Variants in UNC13C observed in about 807,000 individuals in gnomAD.
UNC13C encodes protein unc-13 homolog C.
A neutral mutation model predicts 245.4 loss-of-function variants in UNC13C; 174 were observed. The observed-to-expected ratio is 0.71, with a 90% CI of 0.63 to 0.80. UNC13C has a LOEUF of 0.80. Ranked by LOEUF, UNC13C falls within the 30% of genes least tolerant of loss-of-function variation. UNC13C has a pLI of 0.00. For synonymous variants in UNC13C, 992 were observed against 895.1 expected (o/e 1.11, Z -1.93); for missense variants, 2,829 against 2,602.9 (o/e 1.09, Z -1.89).
intron 15 of UNC13C, 45 bp downstream of exon 15, chr15:54,332,156 T>A: frequency 7.4e-7 from 1 of 1,356,236 alleles, no homozygotes; most frequent in Non-Finnish European, 1.0e-6. Context: ...TTGTTTGGTC[T>A]AGAGAATTTC....
At chr15:54,064,519 G>A (rs1041431201) in intron 2 of UNC13C, among the ~76,000 whole-genome samples, 2 of 152,202 alleles carry the variant, frequency 1.3e-5, no homozygotes, top group Admixed American at 1.3e-4. Flanking sequence ...CGTGGAAGCA[G>A]TGAAACAAAT....
At chr15:54,163,491 T>C (rs571269203) in intron 4 of UNC13C, among the ~76,000 whole-genome samples, 1 of 152,330 alleles carries the variant, frequency 6.6e-6, no homozygotes, top group South Asian at 2.1e-4. Context: ...ATTTTTTAAA[T>C]GTGTCTAAAT....
chr15:54,014,566 A>C lies in UNC13C; in HGVS notation c.1663A>C (p.Lys555Gln). 1 of 1,613,778 alleles carries C rather than the reference A, an allele frequency of 6.2e-7. No individual in the cohort carries two copies. The highest frequency in any genetic ancestry group is 8.5e-7 in the Non-Finnish European group (1 of 1,179,820). Reference protein sequence around the residue: ...KLSRSESDFSKLCQSYSEDFS... With the variant: ...KLSRSESDFSQLCQSYSEDFS... ...TAGTCGTTCTGAATCAGATTTTTCC[A>C]AATTGTGTCAGTCTTACTCAGAAGA... Residue 555 changes from lysine (K) to glutamine (Q), a missense_variant, in exon 2 of 33, where the codon AAA becomes CAA. Transcript: ENST00000260323.
At chr15:54,030,168 A>C (rs998437932) in intron 2 of UNC13C, among the ~76,000 whole-genome samples, 8 of 151,888 alleles carry the variant, frequency 5.3e-5, no homozygotes, top group Admixed American at 3.3e-4. Context: ...TCCAGGGACC[A>C]CCTTCCAAAC....
In UNC13C at chr15:54,311,348, A is replaced by G. The variant is rs77138845; in HGVS notation, c.4269-10591A>G. ...GTATTAAAAACTGTTTAATTTAACT[A>G]TAACTAAATGTATTACTCATATTTA... On this transcript the variant is annotated intron_variant, in intron 13 of 32. Transcript: ENST00000260323. Among the ~76,000 whole-genome samples the G allele has an allele frequency of 3.2e-3, 484 of 151,942 alleles. 16 individuals carry two copies. In the East Asian group the frequency reaches 0.067, roughly 21 times the overall value.
At chr15:53,877,194 A>G in the UNC13C span, among the ~76,000 whole-genome samples, 2 of 152,152 alleles carry the variant, frequency 1.3e-5, no homozygotes, top group African/African-American at 4.8e-5. Flanking sequence ...TTACTTTAAT[A>G]TAATTACTCA....
rs192071109 is a variant in UNC13C, at chr15:54,266,640, A to T, written c.3818+1144A>T. Among the ~76,000 whole-genome samples the T allele has an allele frequency of 3.6e-4, 55 of 152,114 alleles. 1 individual carries two copies. Among genetic ancestry groups the T allele is most frequent in the Admixed American group, 1.9e-3 (29 of 15,278 alleles). ...GCTGGATATCTGAAACCTTAGAAAC[A>T]GTTTTATTGAGGTGTAATTGACATT... On this transcript the variant is annotated intron_variant, in intron 10 of 32. Transcript: ENST00000260323.
At position 54,133,543 on chromosome 15, in the gene UNC13C, G is replaced by C. The variant is rs370987262; in HGVS notation, c.2984-9475G>C. On this transcript the variant is annotated intron_variant, in intron 2 of 32. Coordinates refer to ENST00000260323, the MANE Select transcript of UNC13C (RefSeq NM_001080534.3). The stretch of plus-strand genomic sequence containing the variant: ...TCACTATAAAGTAGATGGATGTACT[G>C]TGGTCTCGCATTAACGACATTAAAT... Among the ~76,000 whole-genome samples, 6 of 152,250 alleles carry C rather than the reference G, an allele frequency of 3.9e-5. No homozygotes were observed. In the South Asian group the frequency reaches 1.0e-3, roughly 26 times the overall value.
At chr15:54,574,117 AC>A (rs770264391) in intron 30 of UNC13C, among the ~76,000 whole-genome samples, 7 of 152,052 alleles carry the variant, frequency 4.6e-5, no homozygotes, top group Admixed American at 3.3e-4. Flanking sequence ...TCACCACATA[AC>A]CCCCTATTTT....
chr15:54,370,023 TAAC>T (rs1193531659), intron 17 of UNC13C, among the ~76,000 whole-genome samples: 2 of 152,156 alleles, frequency 1.3e-5, no homozygotes, highest in Non-Finnish European at 2.9e-5. Context: ...TGGTTGTACT[TAAC>T]AGTGTTTGTT....
chr15:54,457,768 T>C (rs1288314617), intron 19 of UNC13C, among the ~76,000 whole-genome samples: 2 of 151,978 alleles, frequency 1.3e-5, no homozygotes, highest in Non-Finnish European at 2.9e-5. Context: ...TCTCTCTTCT[T>C]TTTCTTGGTT....
intron 30 of UNC13C, among the ~76,000 whole-genome samples, chr15:54,569,648 T>C (rs997985927): frequency 2.0e-4 from 30 of 151,972 alleles, no homozygotes; most frequent in African/African-American, 6.8e-4. Flanking sequence ...TTGGCATAAT[T>C]ACCTTTTTAT....
chr15:54,280,037 T>C (rs767465439), intron 10 of UNC13C, among the ~76,000 whole-genome samples: 60 of 152,162 alleles, frequency 3.9e-4, no homozygotes, highest in Non-Finnish European at 7.6e-4. Context: ...ATTTTAGTAA[T>C]GTGTGTGTAT....
In UNC13C at chr15:54,242,906, A is replaced by T. The variant is rs552667620; in HGVS notation, c.3228+5216A>T. On this transcript the variant is annotated intron_variant, in intron 7 of 32. Coordinates refer to ENST00000260323, the MANE Select transcript of UNC13C (RefSeq NM_001080534.3). Reference sequence around the variant, plus strand: ...TTACATAAAAGGACAGTTACATGGGATCTATTTATAGGAATGGTCAGCCCC... The same window carrying T: ...TTACATAAAAGGACAGTTACATGGGTTCTATTTATAGGAATGGTCAGCCCC... Among the ~76,000 whole-genome samples, 163 of 152,232 alleles carry T rather than the reference A, an allele frequency of 1.1e-3. 1 individual carries two copies. The highest frequency in any genetic ancestry group is 3.9e-3 in the African/African-American group (160 of 41,550).
intron 2 of UNC13C, among the ~76,000 whole-genome samples, chr15:54,131,226 C>G (rs142161289): frequency 6.6e-6 from 1 of 152,144 alleles, no homozygotes; most frequent in Non-Finnish European, 1.5e-5. Context: ...GGGAAGAATC[C>G]TTCCATGTGG....
At chr15:54,507,071 A>C in intron 22 of UNC13C, 46 bp from the exon 23 acceptor site, 1 of 1,302,726 alleles carries the variant, frequency 7.7e-7, no homozygotes, top group East Asian at 2.5e-5. Flanking sequence ...CATATTTGTA[A>C]ACTACATACT....
chr15:54,120,558 G>A (rs1351143547), intron 2 of UNC13C, among the ~76,000 whole-genome samples: 1 of 152,092 alleles, frequency 6.6e-6, no homozygotes, highest in African/African-American at 2.4e-5. Flanking sequence ...ATGGATCAGG[G>A]AGTAATTTTG....
chr15:54,165,554 T>C lies in UNC13C; in HGVS notation c.3071+21870T>C, dbSNP rs187382457. ...CTGTGTTACTTCAGAACTTAGGTAT[T>C]GTAGTTCTTACATCAACAAATAAGT... is the stretch of plus-strand genomic sequence containing the variant. On this transcript the variant is annotated intron_variant, in intron 4 of 32. Coordinates refer to ENST00000260323, the MANE Select transcript of UNC13C (RefSeq NM_001080534.3). Among the ~76,000 whole-genome samples the C allele has an allele frequency of 6.9e-3, 1,054 of 152,254 alleles. 6 individuals are homozygous for C. The highest frequency in any genetic ancestry group is 8.9e-3 in the Non-Finnish European group (606 of 67,990).
the UNC13C span, among the ~76,000 whole-genome samples, chr15:53,888,509 C>G: frequency 1.3e-5 from 2 of 152,156 alleles, no homozygotes; most frequent in African/African-American, 2.4e-5. Flanking sequence ...TGCCTGATCA[C>G]TCTGATGATA....
Sources: allele counts gnomAD v4.1 joint callset (sites outside exome capture counted in the v4.1 genomes callset), GRCh38; gene constraint gnomAD v4.1.1; transcripts MANE v1.5; gene names NCBI Gene and HGNC (gene_info 2026-07-23, HGNC 2026-07-21).